Variants in CERS6 observed in about 807,000 individuals in gnomAD.
CERS6 encodes the protein ceramide synthase 6, also known as LAG1 homolog, ceramide synthase 6.
In CERS6, 26 loss-of-function variants were observed where a neutral mutation model predicts 56.8. That is an observed-to-expected ratio of 0.46 (90% confidence interval 0.34 to 0.63). The LOEUF (loss-of-function observed/expected upper bound fraction) is 0.63, where lower values mean the gene tolerates loss of function less well. CERS6 is among the 30% of genes least tolerant of loss of function. CERS6 has a pLI of 0.01. For synonymous variants in CERS6, 164 were observed against 173.3 expected, an observed-to-expected ratio of 0.95 and a Z score of 0.42; for missense variants, 415 against 467.5, an observed-to-expected ratio of 0.89 and a Z score of 1.04.
chr2:168,671,209 C>T (rs1163339517), intron 4 of CERS6, among the ~76,000 whole-genome samples: 2 of 152,044 alleles, frequency 1.3e-5, no homozygotes, highest in African/African-American at 4.8e-5. Flanking sequence ...TCATGATCCA[C>T]CTGCCTCGGC....
chr2:168,744,057 G>A (rs905196570), intron 8 of CERS6, among the ~76,000 whole-genome samples: 2 of 142,978 alleles, frequency 1.4e-5, no homozygotes, highest in African/African-American at 5.2e-5. Flanking sequence ...GAAGGCTGGA[G>A]TGCAGTGGCG....
At chr2:168,535,216 C>T (rs1025977808) in intron 1 of CERS6, among the ~76,000 whole-genome samples, 5 of 152,290 alleles carry the variant, frequency 3.3e-5, no homozygotes, top group African/African-American at 4.8e-5. Flanking sequence ...AGCAGGCAGC[C>T]GCAGCTGTGG....
intron 1 of CERS6, among the ~76,000 whole-genome samples, chr2:168,527,269 G>A (rs1392363724): frequency 6.6e-6 from 1 of 152,138 alleles, no homozygotes; most frequent in Non-Finnish European, 1.5e-5. Context: ...AGAAAGTACA[G>A]AGATTTCCCA....
At chr2:168,718,033 G>A in intron 8 of CERS6, 55 bp downstream of exon 8, 1 of 1,294,232 alleles carries the variant, frequency 7.7e-7, no homozygotes. Context: ...TAAGCTTTCT[G>A]AACCATTTTC....
chr2:168,507,825 T>TTTCCTCTTCTCTTCCTCCC (rs1694708299), intron 1 of CERS6, among the ~76,000 whole-genome samples: 2 of 152,240 alleles, frequency 1.3e-5, no homozygotes, highest in Admixed American at 1.3e-4. Context: ...AAGATCTTTC[T>TTTCCTCTTCTCTTCCTCCC]TTCCTCTTCT....
At chr2:168,591,967 C>A (rs1292219769) in intron 3 of CERS6, among the ~76,000 whole-genome samples, 1 of 152,140 alleles carries the variant, frequency 6.6e-6, no homozygotes, top group East Asian at 1.9e-4. Context: ...TTGAGGCATT[C>A]TTTTCATAAT....
chr2:168,579,971 A>T (rs1683369349), intron 3 of CERS6, among the ~76,000 whole-genome samples: 1 of 152,186 alleles, frequency 6.6e-6, no homozygotes, highest in South Asian at 2.1e-4. Flanking sequence ...TGATAATCAC[A>T]ACGCCACTTT....
intron 4 of CERS6, among the ~76,000 whole-genome samples, chr2:168,671,312 T>G (rs1041126278): frequency 6.6e-6 from 1 of 152,088 alleles, no homozygotes; most frequent in Non-Finnish European, 1.5e-5. Flanking sequence ...AGGGACTTAA[T>G]TGTGCCAGCG....
chr2:168,504,983 C>T (rs1470574319), intron 1 of CERS6, among the ~76,000 whole-genome samples: 2 of 152,036 alleles, frequency 1.3e-5, no homozygotes, highest in African/African-American at 4.8e-5. Context: ...TGAGTGGCAA[C>T]TGAGTAATTA....
intron 4 of CERS6, among the ~76,000 whole-genome samples, chr2:168,651,141 C>T (rs1685331323): frequency 6.6e-6 from 1 of 152,128 alleles, no homozygotes; most frequent in African/African-American, 2.4e-5. Flanking sequence ...TTTTTATATA[C>T]AGGAACACTT....
At chr2:168,492,066 G>A (rs1694383656) in intron 1 of CERS6, among the ~76,000 whole-genome samples, 1 of 152,292 alleles carries the variant, frequency 6.6e-6, no homozygotes, top group Middle Eastern at 3.4e-3. Flanking sequence ...TGTGAACAGT[G>A]CCGCAGTAAA....
At chr2:168,761,195 GTC>G (rs1684572086) in intron 8 of CERS6, among the ~76,000 whole-genome samples, 1 of 152,126 alleles carries the variant, frequency 6.6e-6, no homozygotes, top group Non-Finnish European at 1.5e-5. Context: ...TTTCTCAAGT[GTC>G]TCTACAGGAA....
intron 1 of CERS6, among the ~76,000 whole-genome samples, chr2:168,528,746 A>G (rs1695114398): frequency 6.6e-6 from 1 of 152,238 alleles, no homozygotes; most frequent in Admixed American, 6.5e-5. Flanking sequence ...AAGCAGCCAA[A>G]TGAGAGAAGC....
At chr2:168,676,807 C>T (rs894379157) in intron 4 of CERS6, among the ~76,000 whole-genome samples, 5 of 152,092 alleles carry the variant, frequency 3.3e-5, no homozygotes, top group Admixed American at 1.3e-4. Context: ...GATGTTTACT[C>T]GAGGGTAGAG....
At chr2:168,763,240 CTTTTTTTT>C (rs756952701) in intron 8 of CERS6, among the ~76,000 whole-genome samples, 1 of 105,902 alleles carries the variant, frequency 9.4e-6, no homozygotes, top group African/African-American at 3.7e-5. Context: ...CTCTCTCTCT[CTTTTTTTT>C]TTTTTTTTTT....
Position 168,769,932 on chromosome 2 carries a change from T to G in CERS6, c.*270T>G. On this transcript the variant is annotated 3_prime_UTR_variant, in exon 10 of 10. Transcript: ENST00000305747. ...TAGAATATTATTTATTTTTTTGTAT[T>G]TGTAAATCTGTGGACAAAAGAGGGT... The G allele has an allele frequency of 2.8e-6, 1 of 359,726 alleles. No homozygotes were observed. The highest frequency in any genetic ancestry group is 3.0e-5 in the South Asian group (1 of 33,128). The allele number at this position is 359,726 out of a possible 1,614,324, so 22.3% of individuals were successfully genotyped here.
At chr2:168,494,750 C>A (rs1381206533) in intron 1 of CERS6, among the ~76,000 whole-genome samples, 1 of 152,082 alleles carries the variant, frequency 6.6e-6, no homozygotes, top group Non-Finnish European at 1.5e-5. Flanking sequence ...GAACCACTAC[C>A]CTTTGTTAAA....
At chr2:168,682,305 A>G (rs1056002626) in intron 4 of CERS6, among the ~76,000 whole-genome samples, 3 of 152,236 alleles carry the variant, frequency 2.0e-5, no homozygotes, top group Non-Finnish European at 4.4e-5. Context: ...TAGTTAATAT[A>G]TGAACATAAG....
intron 4 of CERS6, among the ~76,000 whole-genome samples, chr2:168,652,152 T>G (rs1290265759): frequency 6.6e-6 from 1 of 151,912 alleles, no homozygotes; most frequent in Non-Finnish European, 1.5e-5. Context: ...CTGTTACGAC[T>G]CTAATCAAAT....
Sources: gnomAD v4.1 joint callset for allele counts (sites outside exome capture counted in the v4.1 genomes callset) on GRCh38, gnomAD v4.1.1 for gene constraint, MANE v1.5 for transcripts, NCBI Gene and HGNC (gene_info 2026-07-23, HGNC 2026-07-21) for gene names.